The following CARD6 variants were observed in gnomAD, a reference collection of about 807,000 sequenced individuals.
CARD6 encodes caspase recruitment domain family member 6.
A neutral mutation model predicts 23.6 loss-of-function variants in CARD6; 27 were observed. The ratio of observed to expected loss-of-function variants is 1.14; its 90% CI spans 0.84 to 1.58. The LOEUF (loss-of-function observed/expected upper bound fraction) is 1.58, where lower values mean the gene tolerates loss of function less well. Among genes scored for constraint, CARD6 ranks in the 40% most tolerant of loss-of-function variants. The pLI is 0.00. For synonymous variants in CARD6, 397 were observed against 431.8 expected (o/e 0.92, Z 1.00); for missense variants, 1,214 against 1,209.9 (o/e 1.00, Z -0.05).
Position 40,852,656 on chromosome 5 carries a change from G to C in CARD6, c.1324G>C (p.Asp442His). ...ACAGTTTTCAGGGGGGCCTACAGAG[G>C]ATACAGAAAAGTTTCTGACTCTCAT... ...STQFSGGPTEDTEKFLTLMKM... is the reference protein window; with the variant it reads ...STQFSGGPTEHTEKFLTLMKM... Residue 442 changes from aspartate (D) to histidine (H), a missense_variant, in exon 3 of 3, where the codon GAT (aspartate) becomes CAT (histidine). Asp to His is a moderately conservative substitution (Grantham distance 81). Transcript: ENST00000254691. 6.2e-7 allele frequency: 1 copy of C among 1,614,162 alleles called. No individual in the cohort carries two copies. The highest frequency in any genetic ancestry group is 8.5e-7 in the Non-Finnish European group (1 of 1,180,036).
Position 40,854,096 on chromosome 5 carries a change from G to A in CARD6, c.2764G>A (p.Gly922Ser), listed in dbSNP as rs763856514. ...SQQGVQMKTQ[G>S]GASNPALQIG... is the part of the protein sequence containing the mutation. Reference sequence around the variant, plus strand: ...GCAAGGAGTCCAGATGAAGACACAAGGTGGGGCTTCAAATCCAGCTCTCCA... The same window carrying A: ...GCAAGGAGTCCAGATGAAGACACAAAGTGGGGCTTCAAATCCAGCTCTCCA... Residue 922 changes from glycine to serine, a missense_variant, in exon 3 of 3, where the codon GGT (glycine) becomes AGT (serine). Coordinates refer to ENST00000254691, the MANE Select transcript of CARD6 (RefSeq NM_032587.4). 1.2e-6 allele frequency: 2 copies of A among 1,614,178 alleles called. No homozygotes were observed. The highest frequency in any genetic ancestry group is 2.2e-5 in the East Asian group (1 of 44,888).
At position 40,852,371 on chromosome 5, in the gene CARD6, C is replaced by T. The variant is rs769528277; in HGVS notation, c.1039C>T (p.His347Tyr). 3.1e-6 allele frequency: 5 copies of T among 1,614,006 alleles called. No individual in the cohort carries two copies. The highest frequency in any genetic ancestry group is 2.2e-5 in the South Asian group (2 of 91,056). ...DVTARDSILS[H>Y]KVLDEDSKED... ...GACGGCTAGGGATTCAATCCTCAGT[C>T]ACAAGGTTCTGGATGAAGATAGCAA... Residue 347 changes from histidine to tyrosine, a missense_variant, in exon 3 of 3, where the codon CAC (histidine) becomes TAC (tyrosine). Transcript: ENST00000254691.
At position 40,854,407 on chromosome 5, in the gene CARD6, C is replaced by T. The variant is rs768331177; in HGVS notation, c.3075C>T (p.His1025=). ...CCAATCCTTCACAAGCTAAGGCACACCACTCAAAAGCAGGGCAGAAGAGGG... is the reference window on the plus strand; with the variant it reads ...CCAATCCTTCACAAGCTAAGGCACATCACTCAAAAGCAGGGCAGAAGAGGG... ...SSTNPSQAKA[H]HSKAGQKRGG... Residue 1025 remains histidine (H), a synonymous_variant, in exon 3 of 3, where the codon CAC becomes CAT. Coordinates refer to ENST00000254691, the MANE Select transcript of CARD6 (RefSeq NM_032587.4). 6.2e-7 allele frequency: 1 copy of T among 1,614,000 alleles called. No homozygotes were observed. The highest frequency in any genetic ancestry group is 2.2e-5 in the East Asian group (1 of 44,880).
At chr5:40,844,497 C>T (rs952029654) in intron 2 of CARD6, among the ~76,000 whole-genome samples, 2 of 152,166 alleles carry the variant, frequency 1.3e-5, no homozygotes, top group African/African-American at 4.8e-5. Context: ...ACCCAAAATC[C>T]TGGGATTACA....
In CARD6 at chr5:40,853,827, G is replaced by T; in HGVS notation, c.2495G>T (p.Arg832Ile). 6.2e-7 allele frequency: 1 copy of T among 1,614,194 alleles called. No homozygotes were observed. The highest frequency in any genetic ancestry group is 8.5e-7 in the Non-Finnish European group (1 of 1,180,040). The change falls in exon 3 of 3, where the codon AGA becomes ATA. Residue 832 changes from arginine (R) to isoleucine (I), a missense_variant. Arg to Ile is a moderately conservative substitution (Grantham distance 97, BLOSUM62 -3). Transcript: ENST00000254691. The stretch of plus-strand genomic sequence containing the variant: ...CAGCATGTACAGGCCTGCCCTGAGA[G>T]ACCACAAATGATGGGAACTCTTGAA... ...ICQHVQACPERPQMMGTLERS... is the reference protein window; with the variant it reads ...ICQHVQACPEIPQMMGTLERS...
At chr5:40,846,850 T>C (rs570821134) in intron 2 of CARD6, among the ~76,000 whole-genome samples, 1 of 152,340 alleles carries the variant, frequency 6.6e-6, no homozygotes, top group East Asian at 1.9e-4. Context: ...ACTGGGGGAC[T>C]TCATATCTTT....
chr5:40,852,227 A>G lies in CARD6; in HGVS notation c.895A>G (p.Arg299Gly). ...VLLCLNMDRS[R>G]KVLPDFVKQF... ...GTTATGTTTGAACATGGATAGAAGCAGAAAGGTTCTGCCAGATTTTGTTAA... is the reference window on the plus strand; with the variant it reads ...GTTATGTTTGAACATGGATAGAAGCGGAAAGGTTCTGCCAGATTTTGTTAA... The change falls in exon 3 of 3, where the codon AGA becomes GGA. Residue 299 changes from arginine (R) to glycine (G), a missense_variant. Transcript: ENST00000254691. 6.2e-7 allele frequency: 1 copy of G among 1,614,144 alleles called. No individual in the cohort carries two copies. Among genetic ancestry groups the G allele is most frequent in the East Asian group, 2.2e-5 (1 of 44,880 alleles).
chr5:40,852,842 C>T lies in CARD6; in HGVS notation c.1510C>T (p.Leu504=). 6.2e-7 allele frequency: 1 copy of T among 1,614,168 alleles called. No individual in the cohort carries two copies. Among genetic ancestry groups the T allele is most frequent in the African/African-American group, 1.3e-5 (1 of 75,068 alleles). The change falls in exon 3 of 3, where the codon CTG becomes TTG. Residue 504 remains leucine, a synonymous_variant. Transcript: ENST00000254691. The part of the protein sequence containing the change: ...LVLPRQISDG[L]VEITWCFPDS... Reference sequence around the variant, plus strand: ...GCTTCCCCGGCAAATCTCTGATGGCCTGGTTGAGATAACATGGTGTTTTCC... The same window carrying T: ...GCTTCCCCGGCAAATCTCTGATGGCTTGGTTGAGATAACATGGTGTTTTCC...
Position 40,843,636 on chromosome 5 carries a change from T to C in CARD6, c.768T>C (p.Ser256=). The C allele has an allele frequency of 2.5e-6, 4 of 1,593,562 alleles. No homozygotes were observed. The highest frequency in any genetic ancestry group is 1.7e-6 in the Non-Finnish European group (2 of 1,173,864). The part of the protein sequence containing the change: ...DFENSETTEF[S]GEEPSYEGSE... ...AGAATTCAGAAACCACAGAGTTCTC[T>C]GGTGAAGAACCAAGTTATGAGGGAT... The change falls in exon 2 of 3, where the codon TCT becomes TCC. Residue 256 remains serine, a synonymous_variant. Coordinates refer to ENST00000254691, the MANE Select transcript of CARD6 (RefSeq NM_032587.4).
chr5:40,850,196 C>G (rs571847792), intron 2 of CARD6, among the ~76,000 whole-genome samples: 5 of 151,986 alleles, frequency 3.3e-5, no homozygotes, highest in African/African-American at 1.2e-4. Context: ...AGGCGCATCA[C>G]GAGGTCAGGA....
In CARD6 at chr5:40,853,156, G is replaced by A. The variant is rs774641716; in HGVS notation, c.1824G>A (p.Leu608=). 253 of 1,614,078 alleles carry A rather than the reference G, an allele frequency of 1.6e-4. No homozygotes were observed. Among genetic ancestry groups the A allele is most frequent in the Non-Finnish European group, 2.1e-4 (253 of 1,180,028 alleles). ...TGAACTTGAAGCCAGCACAGCTACT[G>A]TTTTGGGAGAGGGGAGATGCTGGGG... ...RILNLKPAQL[L]FWERGDAGDR... The change falls in exon 3 of 3, where the codon CTG becomes CTA. Residue 608 remains leucine, a synonymous_variant. Transcript: ENST00000254691.
chr5:40,850,556 CAAA>C (rs547913749), intron 2 of CARD6, among the ~76,000 whole-genome samples: 7 of 120,992 alleles, frequency 5.8e-5, no homozygotes, highest in Non-Finnish European at 8.8e-5. Context: ...TACTAAAATA[CAAA>C]AAAAAAAAAA....
chr5:40,853,718 G>C lies in CARD6; in HGVS notation c.2386G>C (p.Gly796Arg). ...CTTCCATCCCCAGATATTTTATTCAGGTGAAAGATTCATGAAATTTTCCAG... is the reference window on the plus strand; with the variant it reads ...CTTCCATCCCCAGATATTTTATTCACGTGAAAGATTCATGAAATTTTCCAG... ...QSFHPQIFYS[G>R]ERFMKFSRVA... Residue 796 changes from glycine (G) to arginine (R), a missense_variant, in exon 3 of 3, where the codon GGT (glycine) becomes CGT (arginine). Coordinates refer to ENST00000254691, the MANE Select transcript of CARD6 (RefSeq NM_032587.4). 1 of 1,614,172 alleles carries C rather than the reference G, an allele frequency of 6.2e-7. No homozygotes were observed. The highest frequency in any genetic ancestry group is 8.5e-7 in the Non-Finnish European group (1 of 1,180,030).
At position 40,852,410 on chromosome 5, in the gene CARD6, G is replaced by T; in HGVS notation, c.1078G>T (p.Ala360Ser). 1 of 1,614,128 alleles carries T rather than the reference G, an allele frequency of 6.2e-7. No individual in the cohort carries two copies. Among genetic ancestry groups the T allele is most frequent in the Non-Finnish European group, 8.5e-7 (1 of 1,180,014 alleles). The change falls in exon 3 of 3, where the codon GCT (alanine) becomes TCT (serine). Residue 360 changes from alanine (A) to serine (S), a missense_variant. Physicochemically the swap from Ala to Ser is moderately conservative, Grantham distance 99. Transcript: ENST00000254691. ...LDEDSKEDLL[A>S]GVENLEIRDI... ...TGAAGATAGCAAGGAGGATTTGCTG[G>T]CTGGAGTGGAGAATTTGGAAATTCG...
intron 2 of CARD6, 75 bp from the exon 3 acceptor site, chr5:40,852,099 T>G: frequency 1.1e-6 from 1 of 894,160 alleles, no homozygotes; most frequent in South Asian, 1.7e-5. Flanking sequence ...GGAGTGAGAC[T>G]GTCTCAAAAA....
intron 2 of CARD6, among the ~76,000 whole-genome samples, chr5:40,851,448 C>A (rs1010223517): frequency 2.6e-5 from 4 of 152,148 alleles, no homozygotes; most frequent in African/African-American, 9.7e-5. Flanking sequence ...TTGATATCTC[C>A]CCTAAAAACG....
At chr5:40,850,646 C>T (rs1025927066) in intron 2 of CARD6, among the ~76,000 whole-genome samples, 6 of 142,044 alleles carry the variant, frequency 4.2e-5, no homozygotes, top group Non-Finnish European at 9.0e-5. Context: ...CACTTGAACC[C>T]GAGAGGCGGA....
At position 40,848,516 on chromosome 5, in the gene CARD6, G is replaced by A. The variant is rs192097478; in HGVS notation, c.842-3658G>A. On this transcript the variant is annotated intron_variant, in intron 2 of 2. Coordinates refer to ENST00000254691, the MANE Select transcript of CARD6 (RefSeq NM_032587.4). ...CAGGCATGAGCCACCATGCCTGACT[G>A]TAAAATTCTTATATGCTAAATCTAA... Among the ~76,000 whole-genome samples, 8 of 152,178 alleles carry A rather than the reference G, an allele frequency of 5.3e-5. No homozygotes were observed. In the East Asian group the frequency reaches 9.7e-4, roughly 18 times the overall value.
Position 40,852,865 on chromosome 5 carries a change from T to C in CARD6, c.1533T>C (p.Phe511=). 1 of 1,614,148 alleles carries C rather than the reference T, an allele frequency of 6.2e-7. No homozygotes were observed. The highest frequency in any genetic ancestry group is 8.5e-7 in the Non-Finnish European group (1 of 1,180,026). ...SDGLVEITWC[F]PDSDDRKENP... is the part of the protein sequence containing the mutation. The stretch of plus-strand genomic sequence containing the variant: ...GCCTGGTTGAGATAACATGGTGTTT[T>C]CCTGATAGCGATGATAGAAAGGAAA... Residue 511 remains phenylalanine, a synonymous_variant, in exon 3 of 3, where the codon TTT becomes TTC. Transcript: ENST00000254691.
Sources: gnomAD v4.1 joint callset for allele counts (sites outside exome capture counted in the v4.1 genomes callset) on GRCh38, gnomAD v4.1.1 for gene constraint, MANE v1.5 for transcripts, NCBI Gene and HGNC (gene_info 2026-07-23, HGNC 2026-07-21) for gene names.